The following SH3PXD2B variants were observed in gnomAD, a reference collection of about 807,000 sequenced individuals.
SH3PXD2B encodes the protein SH3 and PX domain-containing protein 2B.
SH3PXD2B carries 37 observed loss-of-function variants against 73.1 expected under a neutral mutation model. The observed-to-expected ratio is 0.51, with a 90% CI of 0.39 to 0.67. The LOEUF is 0.67. SH3PXD2B is among the 30% of genes least tolerant of loss of function. The probability of loss-of-function intolerance (pLI) is 0.00; values close to 1 mark genes in which losing one functional copy is unlikely to be tolerated. For synonymous variants in SH3PXD2B, 457 were observed against 480.5 expected (o/e 0.95, Z 0.64); for missense variants, 1,053 against 1,197.8 (o/e 0.88, Z 1.78).
At chr5:172,437,181 G>A (rs967141851) in intron 1 of SH3PXD2B, among the ~76,000 whole-genome samples, 17 of 152,290 alleles carry the variant, frequency 1.1e-4, no homozygotes, top group South Asian at 1.0e-3. Flanking sequence ...GATGGAGAGC[G>A]AGGAGAGGGC....
intron 6 of SH3PXD2B, among the ~76,000 whole-genome samples, chr5:172,368,587 TAAAATATGTTATATATATA>T (rs1757609816): frequency 7.8e-5 from 1 of 12,796 alleles, no homozygotes; most frequent in African/African-American, 6.4e-4. Context: ...TATATATATA[TAAAATATGTTATATATATA>T]ATATATATGT....
At position 172,421,970 on chromosome 5, in the gene SH3PXD2B, T is replaced by C. The variant is rs1275860042; in HGVS notation, c.156+446A>G. ...TCAAAGCATAAAGCAACAAAGCACA[T>C]TATTTGTGTCTCAAAAGTAATGGAT... On this transcript the variant is annotated intron_variant, in intron 2 of 12. Coordinates refer to ENST00000311601, the MANE Select transcript of SH3PXD2B (RefSeq NM_001017995.3). The surrounding 1 kb of genome is among the most constrained non-coding windows in gnomAD (Gnocchi z 4.0). 6.6e-6 allele frequency among the ~76,000 whole-genome samples: 1 copy of C among 151,936 alleles called. No individual in the cohort carries two copies. The highest frequency in any genetic ancestry group is 1.5e-5 in the Non-Finnish European group (1 of 68,016).
intron 12 of SH3PXD2B, among the ~76,000 whole-genome samples, 157 bp downstream of exon 12, chr5:172,345,979 T>C (rs1756988615): frequency 6.6e-6 from 1 of 152,092 alleles, no homozygotes; most frequent in Non-Finnish European, 1.5e-5. Flanking sequence ...AATTTTACAC[T>C]TAAAATTGTA....
At chr5:172,394,751 A>G in intron 3 of SH3PXD2B, 112 bp from the exon 4 acceptor site, 1 of 1,109,866 alleles carries the variant, frequency 9.0e-7, no homozygotes, top group Non-Finnish European at 1.3e-6. Context: ...TGGTGCCAAA[A>G]TTCCTGGCTG....
chr5:172,369,213 T>TTTTTTG (rs1757646191), intron 6 of SH3PXD2B, among the ~76,000 whole-genome samples: 1 of 150,896 alleles, frequency 6.6e-6, no homozygotes, highest in African/African-American at 2.5e-5. Context: ...TTATGTATTT[T>TTTTTTG]TTTTGTTTTG....
At chr5:172,363,032 T>A (rs1757433806) in intron 6 of SH3PXD2B, among the ~76,000 whole-genome samples, 163 bp from the exon 7 acceptor site, 1 of 152,220 alleles carries the variant, frequency 6.6e-6, no homozygotes, top group Admixed American at 6.5e-5. Context: ...ATTCATGTGC[T>A]TACTCAACCA....
chr5:172,384,077 C>T (rs1289617960), intron 4 of SH3PXD2B, among the ~76,000 whole-genome samples: 1 of 152,086 alleles, frequency 6.6e-6, no homozygotes, highest in Non-Finnish European at 1.5e-5. Context: ...GATCTCCTGA[C>T]CTCGTGATCC....
rs554641733 is a variant in SH3PXD2B, at chr5:172,334,560, T to C, written c.*3809A>G. The C allele has an allele frequency of 1.0e-6, 1 of 985,538 alleles. No individual in the cohort carries two copies. Among genetic ancestry groups the C allele is most frequent in the Admixed American group, 6.1e-5 (1 of 16,282 alleles). The allele number at this position is 985,538 out of a possible 1,614,324, so 61.0% of individuals were successfully genotyped here. ...ATGGCTCAGGCTGTTAGGTGTCCACTGTCACAGTCCAAAGAGAAAGGTACG... is the reference window on the plus strand; with the variant it reads ...ATGGCTCAGGCTGTTAGGTGTCCACCGTCACAGTCCAAAGAGAAAGGTACG... On this transcript the variant is annotated 3_prime_UTR_variant, in exon 13 of 13. Transcript: ENST00000311601.
Position 172,335,985 on chromosome 5 carries a change from G to A in SH3PXD2B, c.*2384C>T. On this transcript the variant is annotated 3_prime_UTR_variant, in exon 13 of 13. Transcript: ENST00000311601. ...TTGCAGGAAAACTTTCTGCCTAGAGGAAGGCAGGGCAAGTCTGCTCCTACC... is the reference window on the plus strand; with the variant it reads ...TTGCAGGAAAACTTTCTGCCTAGAGAAAGGCAGGGCAAGTCTGCTCCTACC... The A allele has an allele frequency of 9.7e-7, 1 of 1,028,144 alleles. No homozygotes were observed. Among genetic ancestry groups the A allele is most frequent in the East Asian group, 8.3e-5 (1 of 12,076 alleles). 63.7% of individuals were successfully genotyped at this position (1,028,144 alleles called of 1,614,324 possible).
At chr5:172,354,127 C>A in intron 8 of SH3PXD2B, 122 bp from the exon 9 acceptor site, 1 of 926,874 alleles carries the variant, frequency 1.1e-6, no homozygotes, top group Non-Finnish European at 1.7e-6. Context: ...TGGGCACCCC[C>A]CCTGGCCCTG....
chr5:172,391,269 C>G (rs946179388), intron 4 of SH3PXD2B, among the ~76,000 whole-genome samples: 2 of 152,180 alleles, frequency 1.3e-5, no homozygotes, highest in Non-Finnish European at 2.9e-5. Context: ...ATTTTGCATT[C>G]CCATAATGAC....
chr5:172,446,293 G>A (rs1295228496), intron 1 of SH3PXD2B, among the ~76,000 whole-genome samples: 1 of 152,176 alleles, frequency 6.6e-6, no homozygotes, highest in Non-Finnish European at 1.5e-5. Flanking sequence ...GGCCCTGCCT[G>A]CAGAAGCCAC....
At chr5:172,326,895 C>T (rs948660140) in intron 12 of SH3PXD2B, among the ~76,000 whole-genome samples, 2 of 138,328 alleles carry the variant, frequency 1.4e-5, no homozygotes, top group African/African-American at 2.7e-5. Context: ...CTCACTCTGT[C>T]GCCCAAGCTG....
chr5:172,387,229 AG>A (rs1758080163), intron 4 of SH3PXD2B, among the ~76,000 whole-genome samples: 1 of 152,164 alleles, frequency 6.6e-6, no homozygotes, highest in African/African-American at 2.4e-5. Context: ...GTTCCATTTA[AG>A]CTACACCGTA....
intron 9 of SH3PXD2B, among the ~76,000 whole-genome samples, chr5:172,352,435 C>T (rs748094752): frequency 2.6e-5 from 4 of 152,070 alleles, no homozygotes; most frequent in African/African-American, 2.4e-5. Flanking sequence ...CTATGTTGCC[C>T]GGGCTGGTCT....
At chr5:172,381,910 C>T (rs546386181) in intron 5 of SH3PXD2B, 126 bp downstream of exon 5, 79 of 665,452 alleles carry the variant, frequency 1.2e-4, no homozygotes, top group Admixed American at 9.9e-5. Flanking sequence ...AAGTGAAGTG[C>T]GGTCTCACAG....
In SH3PXD2B at chr5:172,397,027, C is replaced by T. The variant is rs569958198; in HGVS notation, c.233-2388G>A. Among the ~76,000 whole-genome samples, 14 of 152,302 alleles carry T rather than the reference C, an allele frequency of 9.2e-5. No individual in the cohort carries two copies. The East Asian group carries it at 2.7e-3, about 29-fold the overall frequency. The stretch of plus-strand genomic sequence containing the variant: ...CCTTTAGGTCTGGCTGCCTGAGAGC[C>T]AGGCGGAACAGAGCCATATTTCTCT... On this transcript the variant is annotated intron_variant, in intron 3 of 12. Transcript: ENST00000311601.
chr5:172,407,961 C>T (rs74935408), intron 2 of SH3PXD2B, among the ~76,000 whole-genome samples: 14,485 of 152,168 alleles, frequency 0.095, 1,355 homozygotes, highest in African/African-American at 0.25. Context: ...AATCACCTCG[C>T]CTCTGAAATG....
intron 1 of SH3PXD2B, among the ~76,000 whole-genome samples, chr5:172,432,184 G>T (rs1759263810): frequency 6.6e-6 from 1 of 152,040 alleles, no homozygotes; most frequent in Admixed American, 6.5e-5. Flanking sequence ...AACAAACAAA[G>T]AAATAAACAA....
Sources: allele counts gnomAD v4.1 joint callset (sites outside exome capture counted in the v4.1 genomes callset), GRCh38; gene constraint gnomAD v4.1.1; non-coding constraint Gnocchi (gnomAD v3.1); transcripts MANE v1.5; gene names NCBI Gene and HGNC (gene_info 2026-07-23, HGNC 2026-07-21).